Variants in SCAF4 observed in about 807,000 individuals in gnomAD.
The protein encoded by SCAF4 is SR-related and CTD-associated factor 4.
A neutral mutation model predicts 129.8 loss-of-function variants in SCAF4; 25 were observed. That is an observed-to-expected ratio of 0.19 (90% CI 0.14 to 0.27). The LOEUF (loss-of-function observed/expected upper bound fraction) is 0.27, where lower values mean the gene tolerates loss of function less well. SCAF4 is among the 10% of genes least tolerant of loss of function. SCAF4 has a pLI of 1.00. For missense variants in SCAF4, 1,246 were observed against 1,457.1 expected (o/e 0.86, Z 2.36); for synonymous variants, 551 against 497.7 (o/e 1.11, Z -1.43).
At chr21:31,676,725 C>A (rs1162594039) in intron 19 of SCAF4, among the ~76,000 whole-genome samples, 1 of 152,150 alleles carries the variant, frequency 6.6e-6, no homozygotes, top group Non-Finnish European at 1.5e-5. Context: ...CTGTAATTTA[C>A]CCACATAAAT....
Position 31,672,067 on chromosome 21 carries a change from C to T in SCAF4, c.2776G>A (p.Gly926Ser). 6.2e-7 allele frequency: 1 copy of T among 1,613,254 alleles called. No individual in the cohort carries two copies. The highest frequency in any genetic ancestry group is 8.5e-7 in the Non-Finnish European group (1 of 1,179,416). Residue 926 changes from glycine (G) to serine (S), a missense_variant, in exon 20 of 20, where the codon GGC becomes AGC. Physicochemically the swap from Gly to Ser is moderately conservative, Grantham distance 56 (BLOSUM62 0). Transcript: ENST00000286835. ...VRPGGMPGLG[G>S]PGPGPGGPED... ...GGACCCCCTGGGCCTGGCCCTGGGC[C>T]CCCGAGCCCTGGCATTCCACCAGGC...
At chr21:31,682,318 G>A (rs1405529615) in intron 19 of SCAF4, among the ~76,000 whole-genome samples, 1 of 151,664 alleles carries the variant, frequency 6.6e-6, no homozygotes, top group Non-Finnish European at 1.5e-5. Flanking sequence ...GGCGGAGGCT[G>A]CAGTGAGATG....
At chr21:31,719,833 T>C (rs548893148) in intron 1 of SCAF4, among the ~76,000 whole-genome samples, 1 of 152,292 alleles carries the variant, frequency 6.6e-6, no homozygotes, top group Admixed American at 6.5e-5. Context: ...CTACCTCCCC[T>C]ACAATTTCCA....
At chr21:31,725,552 C>G (rs531685852) in intron 1 of SCAF4, among the ~76,000 whole-genome samples, 1 of 152,174 alleles carries the variant, frequency 6.6e-6, no homozygotes, top group African/African-American at 2.4e-5. Context: ...CATTTTTTTT[C>G]TGTACTGCAA....
intron 1 of SCAF4, among the ~76,000 whole-genome samples, chr21:31,722,348 A>G (rs1054671733): frequency 6.6e-6 from 1 of 152,166 alleles, no homozygotes; most frequent in Non-Finnish European, 1.5e-5. Flanking sequence ...TTGTACCTAT[A>G]TACATTCCTC....
chr21:31,718,334 T>C (rs1180927944), intron 1 of SCAF4, among the ~76,000 whole-genome samples: 1 of 152,196 alleles, frequency 6.6e-6, no homozygotes, highest in Non-Finnish European at 1.5e-5. Flanking sequence ...CACTTGCTTG[T>C]CACAGACTCA....
At chr21:31,704,275 G>T (rs767458710) in intron 3 of SCAF4, among the ~76,000 whole-genome samples, 15 of 152,010 alleles carry the variant, frequency 9.9e-5, no homozygotes, top group Non-Finnish European at 1.9e-4. Context: ...GCTCAAAAAG[G>T]TAATTTTTAT....
At chr21:31,672,619 G>C (rs1164899091) in intron 19 of SCAF4, among the ~76,000 whole-genome samples, 1 of 152,194 alleles carries the variant, frequency 6.6e-6, no homozygotes, top group Non-Finnish European at 1.5e-5. Context: ...TTTTCAAAGA[G>C]TATGTCAAAA....
chr21:31,726,078 C>T (rs1313285232), intron 1 of SCAF4, among the ~76,000 whole-genome samples: 1 of 150,826 alleles, frequency 6.6e-6, no homozygotes, highest in Non-Finnish European at 1.5e-5. Context: ...TAGAGTCTCG[C>T]TCTGTCGCCC....
At chr21:31,694,379 C>A in intron 10 of SCAF4, 90 bp from the exon 11 acceptor site, 1 of 801,106 alleles carries the variant, frequency 1.2e-6, no homozygotes, top group South Asian at 1.9e-5. Flanking sequence ...TTAAAAATCT[C>A]CTTCCCTGAA....
Position 31,731,822 on chromosome 21 carries a change from C to G in SCAF4, c.-130G>C, listed in dbSNP as rs2051369473. On this transcript the variant is annotated 5_prime_UTR_variant, in exon 1 of 20. Coordinates refer to ENST00000286835, the MANE Select transcript of SCAF4 (RefSeq NM_020706.2). Reference sequence around the variant, plus strand: ...GCGACGAGCGGCGGAGTCCGAGGCCCGGGCAGGAAGAGGCTGCGCCCGAAG... The same window carrying G: ...GCGACGAGCGGCGGAGTCCGAGGCCGGGGCAGGAAGAGGCTGCGCCCGAAG... The G allele has an allele frequency of 9.0e-7, 1 of 1,113,358 alleles. No homozygotes were observed. Among genetic ancestry groups the G allele is most frequent in the Non-Finnish European group, 1.2e-6 (1 of 833,178 alleles). The allele number at this position is 1,113,358 out of a possible 1,614,324, so 69.0% of individuals were successfully genotyped here. A position where few individuals can be genotyped will look rare whatever the true frequency, so the allele number is the denominator to read the frequency against.
chr21:31,688,425 G>A lies in SCAF4; in HGVS notation c.1925C>T (p.Ala642Val), dbSNP rs2123514599. Residue 642 changes from alanine (A) to valine (V), a missense_variant, in exon 16 of 20, where the codon GCT becomes GTT. Physicochemically the swap from Ala to Val is moderately conservative, Grantham distance 64 (BLOSUM62 0). This residue lies in a region of SCAF4 where 468 missense variants were observed against 605.5 expected (regional missense o/e 0.77). Coordinates refer to ENST00000286835, the MANE Select transcript of SCAF4 (RefSeq NM_020706.2). ...TGAGGTTTCAGCACCTCCATTTTGA[G>A]CAACTTCATTTTCAGGCTTCTTAGG... ...GIPKKPENEV[A>V]QNGGAETSHT... is the part of the protein sequence containing the mutation. 2 of 1,613,980 alleles carry A rather than the reference G, an allele frequency of 1.2e-6. No individual in the cohort carries two copies. Among genetic ancestry groups the A allele is most frequent in the East Asian group, 2.2e-5 (1 of 44,864 alleles).
At chr21:31,694,059 C>T (rs990795590) in intron 11 of SCAF4, 145 bp downstream of exon 11, 63 of 460,056 alleles carry the variant, frequency 1.4e-4, no homozygotes, top group Non-Finnish European at 2.3e-4. Context: ...ACTTCACCTG[C>T]CCCCTTCTAC....
At chr21:31,728,363 T>C (rs185871521) in intron 1 of SCAF4, among the ~76,000 whole-genome samples, 1 of 152,284 alleles carries the variant, frequency 6.6e-6, no homozygotes. Context: ...AAGACTACTT[T>C]ACACTAGCTA....
At chr21:31,723,642 G>A (rs1020100929) in intron 1 of SCAF4, among the ~76,000 whole-genome samples, 9 of 151,508 alleles carry the variant, frequency 5.9e-5, no homozygotes, top group African/African-American at 1.2e-4. Flanking sequence ...GCGCGCGCGC[G>A]CGCGCACATA....
intron 6 of SCAF4, 42 bp downstream of exon 6, chr21:31,701,734 C>T (rs2050536990): frequency 6.3e-7 from 1 of 1,579,016 alleles, no homozygotes; most frequent in South Asian, 1.2e-5. Flanking sequence ...GACAACAGTA[C>T]CTAGTCCTGC....
intron 1 of SCAF4, among the ~76,000 whole-genome samples, chr21:31,723,610 A>ATG (rs368505231): frequency 0.075 from 11,210 of 149,154 alleles, 438 homozygotes; most frequent in Non-Finnish European, 0.09. Flanking sequence ...GATTTATATG[A>ATG]TGTGTGTGTG....
intron 1 of SCAF4, among the ~76,000 whole-genome samples, chr21:31,728,134 T>G (rs2051254172): frequency 6.6e-6 from 1 of 152,188 alleles, no homozygotes; most frequent in Admixed American, 6.5e-5. Flanking sequence ...TGGTAAACTA[T>G]GCTATTCTAC....
At chr21:31,687,501 G>A (rs967304747) in intron 16 of SCAF4, among the ~76,000 whole-genome samples, 1 of 152,082 alleles carries the variant, frequency 6.6e-6, no homozygotes, top group Non-Finnish European at 1.5e-5. Flanking sequence ...ATCTAGTATT[G>A]CTTTTCAAGT....
Sources: allele counts gnomAD v4.1 joint callset (sites outside exome capture counted in the v4.1 genomes callset), GRCh38; gene constraint gnomAD v4.1.1; regional missense constraint gnomAD v4.1.1; transcripts MANE v1.5; gene names NCBI Gene and HGNC (gene_info 2026-07-23, HGNC 2026-07-21).